The following ZNF362 variants were observed in gnomAD, a reference collection of about 807,000 sequenced individuals.
ZNF362 encodes rotund homolog.
ZNF362 carries 11 observed loss-of-function variants against 42.9 expected under a neutral mutation model. That is an observed-to-expected ratio of 0.26 (90% CI 0.16 to 0.42). ZNF362 has a LOEUF of 0.42. Among genes scored for constraint, ZNF362 ranks in the 20% least tolerant of loss-of-function variants. The pLI is 1.00. For missense variants in ZNF362, 362 were observed against 576.2 expected, an observed-to-expected ratio of 0.63 and a Z score of 3.81; for synonymous variants, 255 against 257.3, an observed-to-expected ratio of 0.99 and a Z score of 0.09.
the ZNF362 span, among the ~76,000 whole-genome samples, chr1:33,224,794 G>A: frequency 6.6e-6 from 1 of 152,162 alleles, no homozygotes; most frequent in Non-Finnish European, 1.5e-5. Context: ...GTCATAAGAT[G>A]CATTAAGAAT....
At chr1:33,242,911 C>T in the ZNF362 span, among the ~76,000 whole-genome samples, 4 of 152,104 alleles carry the variant, frequency 2.6e-5, no homozygotes, top group Admixed American at 6.6e-5. Flanking sequence ...CATACCAAAA[C>T]CACAAGTCCC....
At chr1:33,279,048 AG>A (rs1425643117) in intron 4 of ZNF362, among the ~76,000 whole-genome samples, 1 of 152,114 alleles carries the variant, frequency 6.6e-6, no homozygotes, top group African/African-American at 2.4e-5. Context: ...TTTTAAGAGT[AG>A]GGTCTTGTTC....
the ZNF362 span, among the ~76,000 whole-genome samples, chr1:33,247,371 C>T: frequency 1.3e-5 from 2 of 152,240 alleles, no homozygotes; most frequent in Non-Finnish European, 2.9e-5. Context: ...TGGTTTGAGC[C>T]AGCACCCAAA....
At chr1:33,267,834 C>T (rs540615211) in intron 1 of ZNF362, among the ~76,000 whole-genome samples, 11 of 152,272 alleles carry the variant, frequency 7.2e-5, no homozygotes, top group African/African-American at 2.6e-4. Flanking sequence ...GTACATATAA[C>T]TTTTTCTATA....
chr1:33,129,340 C>T, the ZNF362 span, among the ~76,000 whole-genome samples: 2 of 152,132 alleles, frequency 1.3e-5, no homozygotes, highest in Non-Finnish European at 2.9e-5. This position sits in a 1 kb window ranked among gnomAD's most constrained non-coding sequence, Gnocchi z 4.1. Flanking sequence ...GACAGAGGAC[C>T]GGCCTTACAA....
chr1:33,149,077 C>T, the ZNF362 span, among the ~76,000 whole-genome samples: 1 of 152,220 alleles, frequency 6.6e-6, no homozygotes, highest in African/African-American at 2.4e-5. Flanking sequence ...TCAAAAGGCC[C>T]ACCCTTTGGG....
At chr1:33,239,565 T>C in the ZNF362 span, among the ~76,000 whole-genome samples, 2 of 152,068 alleles carry the variant, frequency 1.3e-5, no homozygotes, top group African/African-American at 2.4e-5. Context: ...CTTACAATCA[T>C]GGCGGAAGGC....
the ZNF362 span, among the ~76,000 whole-genome samples, chr1:33,215,785 C>A: frequency 6.6e-6 from 1 of 151,966 alleles, no homozygotes; most frequent in Non-Finnish European, 1.5e-5. Flanking sequence ...AAATTGAGCA[C>A]ACATATATAG....
chr1:33,166,869 T>C, the ZNF362 span, among the ~76,000 whole-genome samples: 2 of 152,228 alleles, frequency 1.3e-5, no homozygotes, highest in Non-Finnish European at 2.9e-5. Flanking sequence ...TTGTTTGAAA[T>C]GTTGAATTTT....
intron 8 of ZNF362, among the ~76,000 whole-genome samples, chr1:33,297,122 A>G (rs1407005894): frequency 6.6e-6 from 1 of 152,122 alleles, no homozygotes; most frequent in Non-Finnish European, 1.5e-5. Flanking sequence ...CAAAGGGCAG[A>G]GGAGGGTCAG....
At chr1:33,146,044 C>T in the ZNF362 span, 3 of 377,636 alleles carry the variant, frequency 7.9e-6, no homozygotes, top group Admixed American at 1.0e-4. Context: ...CTGCAGTCAG[C>T]AGCTTTCTGG....
the ZNF362 span, among the ~76,000 whole-genome samples, chr1:33,207,922 T>C: frequency 6.6e-6 from 1 of 152,204 alleles, no homozygotes; most frequent in Non-Finnish European, 1.5e-5. Flanking sequence ...TGATAGTTTC[T>C]TTTGCTGTGC....
chr1:33,239,985 G>C, the ZNF362 span, among the ~76,000 whole-genome samples: 39 of 152,320 alleles, frequency 2.6e-4, no homozygotes, highest in Admixed American at 7.8e-4. Context: ...ATAAAGTAGG[G>C]AGAAGGGAAT....
the ZNF362 span, among the ~76,000 whole-genome samples, chr1:33,209,381 C>A: frequency 6.6e-6 from 1 of 152,072 alleles, no homozygotes; most frequent in African/African-American, 2.4e-5. Flanking sequence ...CTAAAATTCT[C>A]TTTTTTTGTT....
intron 1 of ZNF362, among the ~76,000 whole-genome samples, chr1:33,260,394 C>T (rs987992311): frequency 1.3e-5 from 2 of 152,238 alleles, no homozygotes; most frequent in Admixed American, 6.5e-5. Flanking sequence ...GGCCTTTGCA[C>T]ATTCCCCCAC....
the ZNF362 span, chr1:33,165,599 G>C: frequency 3.1e-5 from 48 of 1,565,438 alleles, no homozygotes; most frequent in Non-Finnish European, 3.7e-5. This position sits in a 1 kb window ranked among gnomAD's most constrained non-coding sequence, Gnocchi z 4.0. Context: ...ATGGGGGCAG[G>C]GGCCATGCCT....
the ZNF362 span, chr1:33,158,316 A>T: frequency 6.2e-7 from 1 of 1,613,988 alleles, no homozygotes; most frequent in Non-Finnish European, 8.5e-7. Context: ...GTGTACTTGG[A>T]GGTCGGGAAG....
At chr1:33,140,410 A>G in the ZNF362 span, among the ~76,000 whole-genome samples, 2 of 152,008 alleles carry the variant, frequency 1.3e-5, no homozygotes, top group African/African-American at 4.8e-5. This position sits in a 1 kb window ranked among gnomAD's most constrained non-coding sequence, Gnocchi z 4.0. Flanking sequence ...GGGCCCCAGG[A>G]CCTCGCTTCT....
At chr1:33,227,502 AT>A in the ZNF362 span, among the ~76,000 whole-genome samples, 1 of 152,178 alleles carries the variant, frequency 6.6e-6, no homozygotes, top group Non-Finnish European at 1.5e-5. Flanking sequence ...GCCTTCAGCC[AT>A]CCAAGGCCAG....
Sources: gnomAD v4.1 joint callset for allele counts (sites outside exome capture counted in the v4.1 genomes callset) on GRCh38, gnomAD v4.1.1 for gene constraint, Gnocchi (gnomAD v3.1) non-coding constraint, MANE v1.5 for transcripts, NCBI Gene and HGNC (gene_info 2026-07-23, HGNC 2026-07-21) for gene names.